RTKN2: variants seen among roughly 807,000 people sequenced by gnomAD.
The protein encoded by RTKN2 is rhotekin 2, also known as rhotekin-2.
In RTKN2, 69 loss-of-function variants were observed where a neutral mutation model predicts 71.5. The ratio of observed to expected loss-of-function variants is 0.96; its 90% CI spans 0.79 to 1.18. The LOEUF (loss-of-function observed/expected upper bound fraction) is 1.18, where lower values mean the gene tolerates loss of function less well. Ranked by LOEUF, RTKN2 falls within the 50% of genes most tolerant of loss-of-function variation. The pLI, the probability that RTKN2 is intolerant of heterozygous loss-of-function variation, is 0.00. For missense variants in RTKN2, 724 were observed against 719.7 expected, an observed-to-expected ratio of 1.01 and a Z score of -0.07; for synonymous variants, 236 against 236.5, an observed-to-expected ratio of 1.00 and a Z score of 0.02.
intron 6 of RTKN2, among the ~76,000 whole-genome samples, chr10:62,227,878 T>C (rs928017621): frequency 3.9e-5 from 6 of 152,058 alleles, no homozygotes; most frequent in Non-Finnish European, 5.9e-5. Flanking sequence ...AAAGACAGGA[T>C]GTGAAAGCAG....
chr10:62,185,638 A>T (rs1453069160), intron 8 of RTKN2, among the ~76,000 whole-genome samples: 1 of 152,180 alleles, frequency 6.6e-6, no homozygotes, highest in Non-Finnish European at 1.5e-5. Flanking sequence ...GATTGCTTTT[A>T]GCAAAGACAT....
At chr10:62,202,697 T>C (rs1445430773) in intron 10 of RTKN2, among the ~76,000 whole-genome samples, 1 of 152,180 alleles carries the variant, frequency 6.6e-6, no homozygotes, top group Non-Finnish European at 1.5e-5. Flanking sequence ...AGTACAAAAA[T>C]GTCATGAGGT....
chr10:62,198,552 G>T, intron 11 of RTKN2, 109 bp from the exon 12 acceptor site: 1 of 806,890 alleles, frequency 1.2e-6, no homozygotes, highest in Non-Finnish European at 1.8e-6. Context: ...GGTCATCAAA[G>T]ACTATGATAA....
chr10:62,241,277 A>G (rs1842369123), intron 3 of RTKN2, 82 bp from the exon 4 acceptor site: 5 of 762,184 alleles, frequency 6.6e-6, no homozygotes, highest in Middle Eastern at 2.5e-4. Context: ...TCTGCATTCC[A>G]TAATAATTCT....
chr10:62,247,645 A>G (rs1168832449), intron 2 of RTKN2, among the ~76,000 whole-genome samples: 1 of 151,968 alleles, frequency 6.6e-6, no homozygotes, highest in Non-Finnish European at 1.5e-5. Context: ...CTTGCTTATT[A>G]CTTCCTCACA....
In RTKN2 at chr10:62,227,968, G is replaced by C. The variant is rs116825985; in HGVS notation, c.687-4636C>G. The stretch of plus-strand genomic sequence containing the variant: ...AATTGTTATGAACTGAAATGAGGCT[G>C]ACTGAGAAACAGATAAAGGAGGTAA... On this transcript the variant is annotated intron_variant, in intron 6 of 11. Coordinates refer to ENST00000373789, the MANE Select transcript of RTKN2 (RefSeq NM_145307.4). Among the ~76,000 whole-genome samples the C allele has an allele frequency of 5.6e-3, 859 of 152,156 alleles. 10 individuals are homozygous for C. The highest frequency in any genetic ancestry group is 0.02 in the African/African-American group (815 of 41,502).
chr10:62,237,994 C>T (rs1468650385), intron 5 of RTKN2, among the ~76,000 whole-genome samples: 2 of 151,708 alleles, frequency 1.3e-5, no homozygotes, highest in Non-Finnish European at 2.9e-5. Context: ...GTGTTACTAA[C>T]AATAAAATAT....
intron 6 of RTKN2, among the ~76,000 whole-genome samples, chr10:62,235,647 T>A (rs1347761709): frequency 6.8e-6 from 1 of 146,176 alleles, no homozygotes; most frequent in Non-Finnish European, 1.5e-5. Flanking sequence ...GAAAATTACC[T>A]TCAGGCTATA....
intron 5 of RTKN2, 37 bp from the exon 6 acceptor site, chr10:62,236,300 CT>C (rs1236136286): frequency 1.5e-6 from 2 of 1,343,354 alleles, no homozygotes; most frequent in Non-Finnish European, 2.1e-6. Context: ...GGAAATTTAA[CT>C]CAGTAGAAAA....
intron 7 of RTKN2, among the ~76,000 whole-genome samples, chr10:62,220,091 G>T (rs1321625512): frequency 6.6e-6 from 1 of 151,304 alleles, no homozygotes; most frequent in Non-Finnish European, 1.5e-5. Context: ...TCACCAAAAA[G>T]TTTTAATTAC....
At chr10:62,209,088 G>A (rs181670231) in intron 9 of RTKN2, among the ~76,000 whole-genome samples, 105 of 152,190 alleles carry the variant, frequency 6.9e-4, no homozygotes, top group Admixed American at 1.1e-3. Flanking sequence ...TAACCAACGC[G>A]GAGAAACCCA....
intron 9 of RTKN2, among the ~76,000 whole-genome samples, chr10:62,214,544 G>A (rs75710226): frequency 0.014 from 2,149 of 152,164 alleles, 48 homozygotes; most frequent in African/African-American, 0.048. Flanking sequence ...ATTAAAATAG[G>A]TCAATTCAGT....
In RTKN2 at chr10:62,204,992, C is replaced by T. The variant is rs1841519461; in HGVS notation, c.1051G>A (p.Ala351Thr). 8 of 1,592,474 alleles carry T rather than the reference C, an allele frequency of 5.0e-6. No homozygotes were observed. In the South Asian group the frequency reaches 5.9e-5, roughly 12 times the overall value. The change falls in exon 10 of 12, where the codon GCC (alanine) becomes ACC (threonine). Residue 351 changes from alanine to threonine, a missense_variant. By Grantham distance (58) the Ala-to-Thr change is moderately conservative. Coordinates refer to ENST00000373789, the MANE Select transcript of RTKN2 (RefSeq NM_145307.4). ...ETRIRAMDKDAKKRIHNFSVI... is the reference protein window; with the variant it reads ...ETRIRAMDKDTKKRIHNFSVI... ...GAGAAATTATGGATTCTTTTCTTGG[C>T]ATCCTTATCCATTGCCCGGATTCTG...
Position 62,197,087 on chromosome 10 carries a change from T to A in RTKN2, c.*821A>T. ...TTCTGATATTTTTGAATCTCTCATC[T>A]TCTTTTTAAATAAGTATTAAATGAA... is the stretch of plus-strand genomic sequence containing the variant. On this transcript the variant is annotated 3_prime_UTR_variant, in exon 12 of 12. Coordinates refer to ENST00000373789, the MANE Select transcript of RTKN2 (RefSeq NM_145307.4). 1 of 979,900 alleles carries A rather than the reference T, an allele frequency of 1.0e-6. No individual in the cohort carries two copies. The highest frequency in any genetic ancestry group is 1.2e-6 in the Non-Finnish European group (1 of 824,902). 60.7% of individuals were successfully genotyped at this position (979,900 alleles called of 1,614,324 possible).
intron 9 of RTKN2, chr10:62,215,191 C>G (rs4559572): frequency 0.76 from 479,251 of 633,326 alleles, 183,159 homozygotes; most frequent in East Asian, 0.9. Context: ...CATTTTTACT[C>G]CTCAGCTATT....
chr10:62,199,879 A>G lies in RTKN2; in HGVS notation c.1187-18T>C, dbSNP rs1314831333. Reference sequence around the variant, plus strand: ...CCATTGGCCTAAGACAGACAGAAAAAAGGTAGACTAGTTTAAAACATAAAT... The same window carrying G: ...CCATTGGCCTAAGACAGACAGAAAAGAGGTAGACTAGTTTAAAACATAAAT... On this transcript the variant is annotated intron_variant, in intron 10 of 11. Transcript: ENST00000373789. 6.9e-7 allele frequency: 1 copy of G among 1,451,696 alleles called. No individual in the cohort carries two copies. Among genetic ancestry groups the G allele is most frequent in the South Asian group, 1.2e-5 (1 of 86,654 alleles). 89.9% of individuals were successfully genotyped at this position (1,451,696 alleles called of 1,614,324 possible).
chr10:62,191,408 G>C (rs1841221150), downstream of RTKN2, among the ~76,000 whole-genome samples: 1 of 152,202 alleles, frequency 6.6e-6, no homozygotes. Flanking sequence ...GCTTCCCAAA[G>C]TACTGGGATT....
intron 3 of RTKN2, among the ~76,000 whole-genome samples, chr10:62,241,653 A>G (rs1842377346): frequency 6.6e-6 from 1 of 151,986 alleles, no homozygotes; most frequent in African/African-American, 2.4e-5. Context: ...ATCATGGCTC[A>G]CTGCAGCCTT....
intron 4 of RTKN2, among the ~76,000 whole-genome samples, chr10:62,240,590 T>C (rs1842354648): frequency 6.6e-6 from 1 of 152,196 alleles, no homozygotes; most frequent in Non-Finnish European, 1.5e-5. Context: ...ACAAGAAAGA[T>C]AAAGTATTAT....
Sources: allele counts gnomAD v4.1 joint callset (sites outside exome capture counted in the v4.1 genomes callset), GRCh38; gene constraint gnomAD v4.1.1; transcripts MANE v1.5; gene names NCBI Gene and HGNC (gene_info 2026-07-23, HGNC 2026-07-21).